BTK: variants seen among roughly 807,000 people sequenced by gnomAD.
BTK encodes Bruton tyrosine kinase.
BTK carries 5 observed loss-of-function variants against 57.4 expected under a neutral mutation model. The ratio of observed to expected loss-of-function variants is 0.09; its 90% CI spans 0.05 to 0.18. The LOEUF (loss-of-function observed/expected upper bound fraction) is 0.18, where lower values mean the gene tolerates loss of function less well. Ranked by LOEUF, BTK falls within the 10% of genes least tolerant of loss-of-function variation. The pLI is 1.00. For synonymous variants in BTK, 154 were observed against 174.3 expected (o/e 0.88, Z 0.92); for missense variants, 194 against 501.2 (o/e 0.39, Z 5.85).
At chrX:101,358,999 G>A (rs906571962) in intron 10 of BTK, among the ~76,000 whole-genome samples, 8 of 111,508 alleles carry the variant, frequency 7.2e-5, no homozygotes, top group Non-Finnish European at 1.3e-4. Flanking sequence ...TTAGTCGGGC[G>A]TGGTGGCATG....
chrX:101,374,377 AG>A, intron 3 of BTK, 158 bp downstream of exon 3: 1 of 506,111 alleles, frequency 2.0e-6, no homozygotes, highest in Admixed American at 2.9e-5. Flanking sequence ...AAAGAAGCTA[AG>A]ATTCTTTATA....
intron 5 of BTK, among the ~76,000 whole-genome samples, chrX:101,367,481 C>G (rs1484928716): frequency 9.4e-6 from 1 of 106,835 alleles, no homozygotes; most frequent in Non-Finnish European, 1.9e-5. Context: ...ACTAAAAATA[C>G]AAAAATTAGC....
chrX:101,377,541 G>A (rs782108317), intron 1 of BTK, among the ~76,000 whole-genome samples: 99 of 111,327 alleles, frequency 8.9e-4, no homozygotes, highest in Non-Finnish European at 7.7e-4. Context: ...TTTTGTTGCA[G>A]GCTCTTGGTG....
intron 17 of BTK, 147 bp from the exon 18 acceptor site, chrX:101,353,498 C>G: frequency 1.8e-6 from 1 of 561,642 alleles, no homozygotes; most frequent in South Asian, 2.7e-5. Context: ...TGCTATAGTA[C>G]TGACCACACT....
intron 1 of BTK, among the ~76,000 whole-genome samples, chrX:101,384,457 C>T (rs113266447): frequency 9.0e-5 from 10 of 111,388 alleles, no homozygotes; most frequent in African/African-American, 1.6e-4. Flanking sequence ...ATTAGCTGGG[C>T]GTGGTGGCAC....
chrX:101,374,824 G>A (rs1276014584), intron 2 of BTK, among the ~76,000 whole-genome samples, 190 bp from the exon 3 acceptor site: 2 of 111,604 alleles, frequency 1.8e-5, no homozygotes, highest in African/African-American at 6.5e-5. Context: ...TACCATGGAA[G>A]AGTGAATGAC....
At position 101,374,611 on chromosome X, in the gene BTK, T is replaced by C; in HGVS notation, c.165A>G (p.Ser55=). Residue 55 remains serine (S), a synonymous_variant, in exon 3 of 19, where the codon TCA becomes TCG. Coordinates refer to ENST00000308731, the MANE Select transcript of BTK (RefSeq NM_000061.3). The stretch of plus-strand genomic sequence containing the variant: ...CACAAGTGATCTTCTCAACATCTAT[T>C]GAACCCTTCTTACTGCCTCTTCTCT... ...ERGRRGSKKG[S]IDVEKITCVE... is the part of the protein sequence containing the mutation. The C allele has an allele frequency of 8.3e-7, 1 of 1,209,093 alleles. No homozygotes were observed. Among genetic ancestry groups the C allele is most frequent in the Non-Finnish European group, 1.1e-6 (1 of 892,994 alleles).
rs1400251682 is a variant in BTK at position 101,374,537 on chromosome X, G to A, written c.239C>T (p.Pro80Leu). ...EKNPPPERQI[P>L]RRGEESSEME... ...TCTCAGACATTGGTCTCTTCTTACC[G>A]GAATCTGTCTTTCTGGAGGAGGATT... The change falls in exon 3 of 19, where the codon CCG becomes CTG. Residue 80 changes from proline to leucine, a missense_variant and splice_region_variant. Pro to Leu is a moderately conservative substitution (Grantham distance 98). Around this residue, in one of 3 missense-constraint regions of BTK, gnomAD observed 115 missense variants for 258.3 expected, o/e 0.45. Transcript: ENST00000308731. 17 of 1,204,456 alleles carry A rather than the reference G, an allele frequency of 1.4e-5. No individual in the cohort carries two copies. The highest frequency in any genetic ancestry group is 1.8e-5 in the South Asian group (1 of 56,716).
intron 4 of BTK, among the ~76,000 whole-genome samples, chrX:101,370,473 A>G (rs1926990441): frequency 8.9e-6 from 1 of 111,866 alleles, no homozygotes; most frequent in African/African-American, 3.2e-5. Context: ...AATCTATATA[A>G]ATTAAGTCTT....
At chrX:101,390,405 C>A, upstream of BTK, 1 of 500,336 alleles carries the variant, frequency 2.0e-6, no homozygotes, top group Admixed American at 2.7e-5. Flanking sequence ...TGCTTTAATG[C>A]CAATCATTGT....
chrX:101,365,953 G>A (rs1166780807), intron 5 of BTK, among the ~76,000 whole-genome samples: 4 of 112,401 alleles, frequency 3.6e-5, no homozygotes, highest in Non-Finnish European at 7.5e-5. Context: ...TTGAGAAAAT[G>A]TGGCAGCTGG....
At chrX:101,371,871 C>A (rs1407766232) in intron 3 of BTK, among the ~76,000 whole-genome samples, 170 bp from the exon 4 acceptor site, 1 of 111,782 alleles carries the variant, frequency 8.9e-6, no homozygotes, top group African/African-American at 3.3e-5. Flanking sequence ...TCCAATACGA[C>A]CCAACACATA....
intron 5 of BTK, among the ~76,000 whole-genome samples, chrX:101,368,983 C>T (rs984279252): frequency 7.1e-5 from 8 of 112,266 alleles, no homozygotes; most frequent in Non-Finnish European, 1.5e-4. Context: ...TTTCTCTAGG[C>T]AGCCTTTCCT....
chrX:101,360,765 T>A lies in BTK; in HGVS notation c.589-10A>T. The A allele has an allele frequency of 8.3e-7, 1 of 1,206,904 alleles. No homozygotes were observed. The highest frequency in any genetic ancestry group is 1.1e-6 in the Non-Finnish European group (1 of 891,446). On this transcript the variant is annotated splice_polypyrimidine_tract_variant and intron_variant, in intron 7 of 18. Coordinates refer to ENST00000308731, the MANE Select transcript of BTK (RefSeq NM_000061.3). ...GTGGCTTTTTCAAGATCTATGTAGT[T>A]AGGAGAAAAGGTAGGAGGGTTTGTC...
intron 12 of BTK, 123 bp downstream of exon 12, chrX:101,358,187 A>G: frequency 9.5e-7 from 1 of 1,049,677 alleles, no homozygotes; most frequent in Non-Finnish European, 1.3e-6. Flanking sequence ...CCAGTATCAC[A>G]GGGATTTCCT....
chrX:101,357,389 G>T, intron 13 of BTK, 120 bp downstream of exon 13: 1 of 647,465 alleles, frequency 1.5e-6, no homozygotes, highest in Non-Finnish European at 2.6e-6. Context: ...TCTGTCTTGA[G>T]CGTCCTTGAG....
At chrX:101,379,137 G>T (rs1927319243) in intron 1 of BTK, among the ~76,000 whole-genome samples, 1 of 103,774 alleles carries the variant, frequency 9.6e-6, no homozygotes, top group African/African-American at 3.6e-5. Context: ...TCGTGACACT[G>T]CACTCCAGCC....
intron 5 of BTK, among the ~76,000 whole-genome samples, chrX:101,368,657 G>A (rs782735030): frequency 2.7e-5 from 3 of 112,623 alleles, no homozygotes; most frequent in African/African-American, 9.7e-5. Flanking sequence ...TGCTCATTAA[G>A]TGTTAGTTAT....
At chrX:101,363,427 A>G (rs1416207483) in intron 5 of BTK, among the ~76,000 whole-genome samples, 7 of 111,901 alleles carry the variant, frequency 6.3e-5, no homozygotes, top group Admixed American at 1.9e-4. Context: ...CATGAAGTCA[A>G]TTAGAAAAGT....
Sources: gnomAD v4.1 joint callset for allele counts (sites outside exome capture counted in the v4.1 genomes callset) on GRCh38, gnomAD v4.1.1 for gene constraint, gnomAD v4.1.1 regional missense constraint, MANE v1.5 for transcripts, NCBI Gene and HGNC (gene_info 2026-07-23, HGNC 2026-07-21) for gene names.